Variants in IFTAP observed in about 807,000 individuals in gnomAD.
IFTAP encodes intraflagellar transport associated protein, also known as intraflagellar transport-associated protein.
Under a neutral mutation model 19.4 loss-of-function variants are expected in IFTAP, and 19 were observed. That is an observed-to-expected ratio of 0.98 (90% CI 0.68 to 1.44). The LOEUF is 1.44. IFTAP is among the 40% of genes most tolerant of loss of function. The probability of loss-of-function intolerance (pLI) is 0.00; values close to 1 mark genes in which losing one functional copy is unlikely to be tolerated. For synonymous variants in IFTAP, 85 were observed against 83.5 expected, an observed-to-expected ratio of 1.02 and a Z score of -0.10; for missense variants, 240 against 253.6, an observed-to-expected ratio of 0.95 and a Z score of 0.36.
At chr11:36,645,467 A>T (rs989434530) in intron 4 of IFTAP, among the ~76,000 whole-genome samples, 6 of 152,176 alleles carry the variant, frequency 3.9e-5, no homozygotes, top group African/African-American at 1.2e-4. Context: ...TTTTAGAAAC[A>T]ACACCTATAT....
chr11:36,619,187 C>T (rs1003104042), intron 2 of IFTAP, among the ~76,000 whole-genome samples: 8 of 151,820 alleles, frequency 5.3e-5, no homozygotes, highest in Non-Finnish European at 1.2e-4. Flanking sequence ...ATTTGGTTTA[C>T]ATTTCTGGAC....
chr11:36,632,822 T>C (rs1852778474), intron 2 of IFTAP, among the ~76,000 whole-genome samples: 1 of 151,294 alleles, frequency 6.6e-6, no homozygotes. Context: ...GTAAAAAATA[T>C]TAGATAGCCA....
At chr11:36,622,132 A>G (rs1852319249) in intron 2 of IFTAP, among the ~76,000 whole-genome samples, 1 of 146,242 alleles carries the variant, frequency 6.8e-6, no homozygotes, top group African/African-American at 2.6e-5. Flanking sequence ...TCCTGATAAA[A>G]TGAGAGAATG....
chr11:36,617,317 A>G (rs1477589875), intron 2 of IFTAP, among the ~76,000 whole-genome samples: 1 of 151,472 alleles, frequency 6.6e-6, no homozygotes, highest in African/African-American at 2.4e-5. Flanking sequence ...TACTATTGAC[A>G]AGTAGTTCTC....
chr11:36,619,106 C>A (rs1298515033), intron 2 of IFTAP, among the ~76,000 whole-genome samples: 1 of 151,958 alleles, frequency 6.6e-6, no homozygotes, highest in Non-Finnish European at 1.5e-5. Context: ...GTTCTCATTT[C>A]AGGAGTCTTT....
intron 4 of IFTAP, among the ~76,000 whole-genome samples, chr11:36,644,354 T>C (rs1231669178): frequency 1.3e-5 from 2 of 152,090 alleles, no homozygotes; most frequent in African/African-American, 4.8e-5. Flanking sequence ...AAACAACAGG[T>C]GCTGGAGAGG....
intron 1 of IFTAP, among the ~76,000 whole-genome samples, chr11:36,596,981 C>T (rs1417798543): frequency 6.6e-6 from 1 of 152,074 alleles, no homozygotes; most frequent in Admixed American, 6.5e-5. Flanking sequence ...ACCTGTTTTC[C>T]CTTTGATGCT....
Position 36,607,528 on chromosome 11 carries a change from A to G in IFTAP, c.-23-2553A>G, listed in dbSNP as rs541776205. 2.6e-5 allele frequency among the ~76,000 whole-genome samples: 4 copies of G among 152,288 alleles called. No homozygotes were observed. In the East Asian group the frequency reaches 7.7e-4, roughly 29 times the overall value. ...AGTAACGCTGAGTAGAATAAAAGGC[A>G]TAAGTACTCTCATGTTAATTCAATC... On this transcript the variant is annotated intron_variant, in intron 1 of 5. Transcript: ENST00000334307.
chr11:36,599,515 G>A lies in IFTAP; in HGVS notation c.-24+4923G>A, dbSNP rs1369675124. ...AACTACCTTATTGTAAGGATTAATG[G>A]ATTAAAATGTCTATAGAATGTACAT... On this transcript the variant is annotated intron_variant, in intron 1 of 5. Transcript: ENST00000334307. Among the ~76,000 whole-genome samples, 3 of 152,116 alleles carry A rather than the reference G, an allele frequency of 2.0e-5. No individual in the cohort carries two copies. The South Asian group carries it at 6.2e-4, about 31-fold the overall frequency.
At position 36,641,858 on chromosome 11, in the gene IFTAP, A is replaced by G. The variant is rs890669903; in HGVS notation, c.358+5741A>G. ...AACTTCCTGTCTTGTTGATCTGTCT[A>G]TTGTTGACAGTGGGGTGTTAAAGTC... On this transcript the variant is annotated intron_variant, in intron 4 of 5. Transcript: ENST00000334307. Among the ~76,000 whole-genome samples the G allele has an allele frequency of 7.2e-5, 11 of 152,046 alleles. No homozygotes were observed. The South Asian group carries it at 8.3e-4, about 11-fold the overall frequency.
intron 2 of IFTAP, among the ~76,000 whole-genome samples, chr11:36,618,508 A>G (rs1342716593): frequency 6.6e-6 from 1 of 152,034 alleles, no homozygotes; most frequent in Non-Finnish European, 1.5e-5. Context: ...TTTCACCACT[A>G]TTACACTAGT....
chr11:36,640,260 T>TTTG (rs1298104175), intron 4 of IFTAP, among the ~76,000 whole-genome samples: 1 of 151,262 alleles, frequency 6.6e-6, no homozygotes, highest in African/African-American at 2.5e-5. Flanking sequence ...GTGAATCAAG[T>TTTG]TTGTGGCACC....
intron 2 of IFTAP, among the ~76,000 whole-genome samples, chr11:36,628,679 A>G (rs532010604): frequency 6.6e-6 from 1 of 151,286 alleles, no homozygotes; most frequent in Non-Finnish European, 1.5e-5. Context: ...TCTGAAAATA[A>G]GCTTTCAGAA....
At chr11:36,596,787 C>T (rs1851283023) in intron 1 of IFTAP, among the ~76,000 whole-genome samples, 2 of 152,136 alleles carry the variant, frequency 1.3e-5, no homozygotes, top group African/African-American at 4.8e-5. Flanking sequence ...TGTTTTAAAG[C>T]AATGTTTTTA....
intron 3 of IFTAP, among the ~76,000 whole-genome samples, 164 bp from the exon 4 acceptor site, chr11:36,635,886 GA>G (rs1852928258): frequency 6.6e-6 from 1 of 152,168 alleles, no homozygotes; most frequent in African/African-American, 2.4e-5. Context: ...TGTCTCTTGG[GA>G]AAGCACAGTG....
Position 36,610,467 on chromosome 11 carries a change from T to C in IFTAP, c.136+228T>C, listed in dbSNP as rs546975632. On this transcript the variant is annotated intron_variant, in intron 2 of 5. Coordinates refer to ENST00000334307, the MANE Select transcript of IFTAP (RefSeq NM_138787.4). ...TGTGATGGTGTCAGAACCACAGAAT[T>C]TGATAACTAAAAATGACTTGAGAAA... Among the ~76,000 whole-genome samples the C allele has an allele frequency of 2.0e-5, 3 of 152,304 alleles. No individual in the cohort carries two copies. The South Asian group carries it at 6.2e-4, about 32-fold the overall frequency.
chr11:36,648,276 G>A, intron 5 of IFTAP, 121 bp downstream of exon 5: 2 of 1,239,622 alleles, frequency 1.6e-6, no homozygotes, highest in South Asian at 3.2e-5. Flanking sequence ...AATTCAAGTT[G>A]CTTAATTGGT....
intron 1 of IFTAP, among the ~76,000 whole-genome samples, chr11:36,604,148 G>A (rs1009502897): frequency 6.6e-6 from 1 of 152,120 alleles, no homozygotes; most frequent in Non-Finnish European, 1.5e-5. Context: ...CTGCTGCATG[G>A]AACGCAATTC....
chr11:36,632,642 C>CA (rs1422865404), intron 2 of IFTAP, among the ~76,000 whole-genome samples: 1 of 151,122 alleles, frequency 6.6e-6, no homozygotes, highest in African/African-American at 2.5e-5. Flanking sequence ...TAATTTTAAA[C>CA]AGTCAAGAAT....
Sources: gnomAD v4.1 joint callset for allele counts (sites outside exome capture counted in the v4.1 genomes callset) on GRCh38, gnomAD v4.1.1 for gene constraint, MANE v1.5 for transcripts, NCBI Gene and HGNC (gene_info 2026-07-23, HGNC 2026-07-21) for gene names.